The following EGF variants were observed in gnomAD, a reference collection of about 807,000 sequenced individuals.
EGF encodes the protein epidermal growth factor.
In EGF, 95 loss-of-function variants were observed where a neutral mutation model predicts 143.8. The observed-to-expected ratio is 0.66, with a 90% CI of 0.56 to 0.78. The LOEUF (loss-of-function observed/expected upper bound fraction) is 0.78. Ranked by LOEUF, EGF falls within the 30% of genes least tolerant of loss-of-function variation. The probability of loss-of-function intolerance (pLI) is 0.00; values close to 1 mark genes in which losing one functional copy is unlikely to be tolerated. For missense variants in EGF, 1,320 were observed against 1,470.9 expected (o/e 0.90, Z 1.68); for synonymous variants, 510 against 510.5 (o/e 1.00, Z 0.01).
intron 12 of EGF, 43 bp from the exon 13 acceptor site, chr4:109,975,969 A>T (rs950131811): frequency 1.3e-6 from 2 of 1,565,692 alleles, no homozygotes; most frequent in Admixed American, 3.3e-5. Flanking sequence ...AGAATAATTT[A>T]TTTCATGCAG....
chr4:110,012,520 C>G lies in EGF; in HGVS notation c.*1065C>G, dbSNP rs533347206. On this transcript the variant is annotated 3_prime_UTR_variant, in exon 24 of 24. Transcript: ENST00000265171. ...TCCCGAGTAACTAGGACCACAGGCA[C>G]AGGCCACCATGCCTGGCTAAGGTTT... Among the ~76,000 whole-genome samples, 3 of 152,142 alleles carry G rather than the reference C, an allele frequency of 2.0e-5. No homozygotes were observed. The highest frequency in any genetic ancestry group is 7.2e-5 in the African/African-American group (3 of 41,434).
Position 109,994,751 on chromosome 4 carries a change from A to G in EGF, c.2876A>G (p.His959Arg), listed in dbSNP as rs1319309482. 6.2e-7 allele frequency: 1 copy of G among 1,613,898 alleles called. No individual in the cohort carries two copies. The highest frequency in any genetic ancestry group is 8.5e-7 in the Non-Finnish European group (1 of 1,179,986). The change falls in exon 20 of 24, where the codon CAC becomes CGC. Residue 959 changes from histidine to arginine, a missense_variant. Transcript: ENST00000265171. Reference sequence around the variant, plus strand: ...CTTTTAGACTCTACTCCACCCCCTCACCTCAGGGAAGATGACCACCACTAT... The same window carrying G: ...CTTTTAGACTCTACTCCACCCCCTCGCCTCAGGGAAGATGACCACCACTAT... ...LICPDSTPPP[H>R]LREDDHHYSV...
chr4:109,963,654 T>C (rs1309576857), intron 9 of EGF, among the ~76,000 whole-genome samples: 2 of 152,186 alleles, frequency 1.3e-5, no homozygotes, highest in Non-Finnish European at 2.9e-5. Context: ...CTGAATATAA[T>C]TATAACACTG....
chr4:109,960,392 C>A (rs927804574), intron 6 of EGF, among the ~76,000 whole-genome samples: 1 of 152,166 alleles, frequency 6.6e-6, no homozygotes, highest in Non-Finnish European at 1.5e-5. Flanking sequence ...CACTTGTAAT[C>A]TCGGCACTTT....
At position 109,945,280 on chromosome 4, in the gene EGF, G is replaced by A. The variant is rs1362604269; in HGVS notation, c.940+5G>A. The A allele has an allele frequency of 1.9e-6, 3 of 1,612,966 alleles. No individual in the cohort carries two copies. In the South Asian group the frequency reaches 3.3e-5, roughly 18 times the overall value. On this transcript the variant is annotated splice_donor_5th_base_variant and intron_variant, in intron 5 of 23. Coordinates refer to ENST00000265171, the MANE Select transcript of EGF (RefSeq NM_001963.6). Reference sequence around the variant, plus strand: ...AAGATGACACTTGGGAGCCTGGTGAGTCATCGTTGACCTTGCGCAGGGCCT... The same window carrying A: ...AAGATGACACTTGGGAGCCTGGTGAATCATCGTTGACCTTGCGCAGGGCCT...
intron 20 of EGF, among the ~76,000 whole-genome samples, chr4:109,995,867 C>A (rs892702753): frequency 1.3e-5 from 2 of 152,102 alleles, no homozygotes; most frequent in Admixed American, 1.3e-4. Flanking sequence ...AAGTGTATGG[C>A]CTTGCACTAG....
In EGF at chr4:109,993,387, C is replaced by G. The variant is rs1179461430; in HGVS notation, c.2857+18C>G. 1 of 1,612,570 alleles carries G rather than the reference C, an allele frequency of 6.2e-7. No individual in the cohort carries two copies. Among genetic ancestry groups the G allele is most frequent in the Non-Finnish European group, 8.5e-7 (1 of 1,179,382 alleles). ...TTGCCCTGGTAGGTTGGTGGGTGGTCTACAGTGAAGGGGAGGGACTTGGCT... is the reference window on the plus strand; with the variant it reads ...TTGCCCTGGTAGGTTGGTGGGTGGTGTACAGTGAAGGGGAGGGACTTGGCT... On this transcript the variant is annotated intron_variant, in intron 19 of 23. Coordinates refer to ENST00000265171, the MANE Select transcript of EGF (RefSeq NM_001963.6).
chr4:109,913,216 C>T lies in EGF; in HGVS notation c.-120C>T. 2 of 1,280,266 alleles carry T rather than the reference C, an allele frequency of 1.6e-6. No individual in the cohort carries two copies. Among genetic ancestry groups the T allele is most frequent in the South Asian group, 1.2e-5 (1 of 82,996 alleles). The allele number at this position is 1,280,266 out of a possible 1,614,324, so 79.3% of individuals were successfully genotyped here. A position where few individuals can be genotyped will look rare whatever the true frequency, so the allele number is the denominator to read the frequency against. On this transcript the variant is annotated 5_prime_UTR_variant, in exon 1 of 24. Coordinates refer to ENST00000265171, the MANE Select transcript of EGF (RefSeq NM_001963.6). The stretch of plus-strand genomic sequence containing the variant: ...AGCACAACAGGAGAGTAAAAGATGC[C>T]CCAGGGCTGAGGCCTCCGCTCAGGC...
chr4:109,932,367 A>ATATATATATATATATATATATATATATC, intron 1 of EGF, among the ~76,000 whole-genome samples: 2 of 123,896 alleles, frequency 1.6e-5, no homozygotes, highest in Non-Finnish European at 3.3e-5. Context: ...AGTCATATAT[A>ATATATATATATATATATATATATATATC]TATATATATA....
intron 11 of EGF, among the ~76,000 whole-genome samples, chr4:109,970,580 G>A (rs1393992691): frequency 6.6e-6 from 1 of 152,034 alleles, no homozygotes; most frequent in African/African-American, 2.4e-5. Flanking sequence ...CTGTTGATGT[G>A]CTTTGGGAGG....
At chr4:109,977,818 T>G (rs563545698) in intron 13 of EGF, among the ~76,000 whole-genome samples, 28 of 152,288 alleles carry the variant, frequency 1.8e-4, no homozygotes, top group African/African-American at 6.7e-4. Context: ...CCAGCCTGGG[T>G]GACGGAGTGA....
At chr4:109,968,542 C>G (rs1241312443) in intron 10 of EGF, among the ~76,000 whole-genome samples, 1 of 152,050 alleles carries the variant, frequency 6.6e-6, no homozygotes, top group Admixed American at 6.5e-5. Context: ...ATAGCAGTAG[C>G]AATATGTGCC....
intron 1 of EGF, among the ~76,000 whole-genome samples, chr4:109,920,288 T>C (rs1470343120): frequency 6.6e-6 from 1 of 151,888 alleles, no homozygotes; most frequent in East Asian, 1.9e-4. Context: ...GCAATTATTG[T>C]ACAGAAGTAG....
intron 1 of EGF, among the ~76,000 whole-genome samples, chr4:109,927,791 A>G (rs2125961662): frequency 7.2e-6 from 1 of 139,682 alleles, no homozygotes; most frequent in East Asian, 2.1e-4. Context: ...CAGGATAGTG[A>G]TTTCTGAATT....
chr4:109,961,751 C>A, intron 7 of EGF, 112 bp from the exon 8 acceptor site: 12 of 1,405,914 alleles, frequency 8.5e-6, no homozygotes, highest in Non-Finnish European at 1.2e-5. Context: ...GTAATCCCAA[C>A]ACTTTGGGAG....
At chr4:110,010,115 C>G (rs943918946) in intron 23 of EGF, among the ~76,000 whole-genome samples, 10 of 152,084 alleles carry the variant, frequency 6.6e-5, no homozygotes, top group Non-Finnish European at 1.3e-4. Flanking sequence ...AAAAATTAGC[C>G]TGGCATGCTG....
chr4:109,983,289 T>G, intron 15 of EGF, 133 bp from the exon 16 acceptor site: 1 of 1,065,490 alleles, frequency 9.4e-7, no homozygotes, highest in Non-Finnish European at 1.4e-6. Flanking sequence ...ACCCTGACAG[T>G]TTCTCTGAAT....
At chr4:109,968,197 C>T (rs1044416642) in intron 10 of EGF, among the ~76,000 whole-genome samples, 5 of 152,100 alleles carry the variant, frequency 3.3e-5, no homozygotes, top group Admixed American at 3.3e-4. Flanking sequence ...CATCATCAAC[C>T]GAAATGTCAT....
At chr4:109,994,603 C>T (rs1005484841) in intron 19 of EGF, 130 bp from the exon 20 acceptor site, 8 of 1,064,914 alleles carry the variant, frequency 7.5e-6, no homozygotes, top group Admixed American at 1.8e-5. Context: ...AACTATTGTC[C>T]CTTCTAGTAG....
Sources: allele counts gnomAD v4.1 joint callset (sites outside exome capture counted in the v4.1 genomes callset), GRCh38; gene constraint gnomAD v4.1.1; transcripts MANE v1.5; gene names NCBI Gene and HGNC (gene_info 2026-07-23, HGNC 2026-07-21).